The following MAMDC2 variants were observed in gnomAD, a reference collection of about 807,000 sequenced individuals.
MAMDC2 encodes MAM domain containing 2, also known as MAM domain-containing protein 2.
A neutral mutation model predicts 89.8 loss-of-function variants in MAMDC2; 57 were observed. The observed-to-expected ratio is 0.63, with a 90% CI of 0.51 to 0.79. The LOEUF (loss-of-function observed/expected upper bound fraction) is 0.79. Ranked by LOEUF, MAMDC2 falls within the 30% of genes least tolerant of loss-of-function variation. The probability of loss-of-function intolerance (pLI) is 0.00; values close to 1 mark genes in which losing one functional copy is unlikely to be tolerated. For missense variants in MAMDC2, 800 were observed against 820.6 expected, an observed-to-expected ratio of 0.97 and a Z score of 0.31; for synonymous variants, 313 against 293.4, an observed-to-expected ratio of 1.07 and a Z score of -0.68.
At chr9:70,133,502 G>C (rs774825410) in intron 7 of MAMDC2, among the ~76,000 whole-genome samples, 47 of 152,272 alleles carry the variant, frequency 3.1e-4, no homozygotes, top group Non-Finnish European at 4.9e-4. Flanking sequence ...TATACAGTTC[G>C]GTTAACCAAG....
intron 2 of MAMDC2, among the ~76,000 whole-genome samples, chr9:70,055,844 C>A (rs1385721339): frequency 6.6e-6 from 1 of 152,110 alleles, no homozygotes; most frequent in African/African-American, 2.4e-5. Context: ...AGGAGTATTC[C>A]TAAACTTCAA....
intron 11 of MAMDC2, among the ~76,000 whole-genome samples, chr9:70,196,591 T>A (rs1324526135): frequency 6.6e-6 from 1 of 152,068 alleles, no homozygotes; most frequent in Admixed American, 6.6e-5. Flanking sequence ...ACATAAAAAA[T>A]ACTGAAGAGG....
chr9:70,089,537 A>G (rs1827842129), intron 2 of MAMDC2, among the ~76,000 whole-genome samples: 1 of 152,250 alleles, frequency 6.6e-6, no homozygotes, highest in East Asian at 1.9e-4. Context: ...AATTATAAAT[A>G]GGCTCTTCCT....
chr9:70,159,732 T>C (rs1036370843), intron 9 of MAMDC2, among the ~76,000 whole-genome samples: 1 of 152,252 alleles, frequency 6.6e-6, no homozygotes, highest in Admixed American at 6.5e-5. Context: ...ACTCCAATTA[T>C]AATGCCTGTC....
At chr9:70,142,806 A>T (rs1034899121) in intron 8 of MAMDC2, among the ~76,000 whole-genome samples, 1 of 152,206 alleles carries the variant, frequency 6.6e-6, no homozygotes, top group African/African-American at 2.4e-5. Flanking sequence ...GAAAACTGAC[A>T]GGAGGAGGAG....
At chr9:70,218,648 G>A in intron 12 of MAMDC2, 52 bp downstream of exon 12, 1 of 1,513,076 alleles carries the variant, frequency 6.6e-7, no homozygotes, top group Non-Finnish European at 8.8e-7. Context: ...AGGAGCTTCT[G>A]ATGTTCTTTC....
intron 9 of MAMDC2, among the ~76,000 whole-genome samples, chr9:70,149,145 A>T (rs1587515316): frequency 7.1e-6 from 1 of 140,360 alleles, no homozygotes; most frequent in African/African-American, 2.6e-5. Flanking sequence ...CAGGAGGTGG[A>T]TGGAGGTTTC....
At chr9:70,134,770 C>T (rs541953318) in intron 7 of MAMDC2, among the ~76,000 whole-genome samples, 7 of 152,196 alleles carry the variant, frequency 4.6e-5, no homozygotes, top group Non-Finnish European at 1.0e-4. Flanking sequence ...ACAGCCTAGT[C>T]GGTGACTCTG....
chr9:70,058,805 CAGGG>C (rs1362727139), intron 2 of MAMDC2, among the ~76,000 whole-genome samples: 1 of 152,200 alleles, frequency 6.6e-6, no homozygotes, highest in African/African-American at 2.4e-5. Flanking sequence ...CTCCCATACA[CAGGG>C]AGAATTGAAT....
chr9:70,073,656 T>C (rs1199523456), intron 2 of MAMDC2, among the ~76,000 whole-genome samples: 1 of 152,292 alleles, frequency 6.6e-6, no homozygotes, highest in Middle Eastern at 3.4e-3. Flanking sequence ...ATATACAGGA[T>C]CCTAGCAATT....
In MAMDC2 at chr9:70,218,496, A is replaced by G. The variant is rs569139580; in HGVS notation, c.1811A>G (p.Glu604Gly). Residue 604 changes from glutamate (E) to glycine (G), a missense_variant, in exon 12 of 14, where the codon GAA becomes GGA. By Grantham distance (98) the Glu-to-Gly change is moderately conservative. Coordinates refer to ENST00000377182, the MANE Select transcript of MAMDC2 (RefSeq NM_153267.5). ...TGLLSVYLKK[E>G]EDSEESLLWR... ...CTGCTGAGTGTTTATCTGAAAAAGG[A>G]AGAAGACAGTGAAGAGTCCCTCTTA... The G allele has an allele frequency of 6.2e-7, 1 of 1,614,208 alleles. No individual in the cohort carries two copies. Among genetic ancestry groups the G allele is most frequent in the African/African-American group, 1.3e-5 (1 of 75,060 alleles).
intron 5 of MAMDC2, among the ~76,000 whole-genome samples, chr9:70,117,228 A>G (rs537544418): frequency 1.3e-5 from 2 of 152,326 alleles, no homozygotes; most frequent in East Asian, 3.9e-4. Flanking sequence ...TACCCTGGTG[A>G]CATAAAAAAA....
At chr9:70,077,881 G>A (rs1220693588) in intron 2 of MAMDC2, among the ~76,000 whole-genome samples, 1 of 151,836 alleles carries the variant, frequency 6.6e-6, no homozygotes, top group Admixed American at 6.6e-5. Context: ...TAGTATGAAA[G>A]CCCAGCCCAA....
intron 11 of MAMDC2, among the ~76,000 whole-genome samples, chr9:70,196,786 G>A (rs1042896823): frequency 6.6e-6 from 1 of 152,030 alleles, no homozygotes; most frequent in Non-Finnish European, 1.5e-5. Context: ...GGTACCATGT[G>A]GCAATGCTTC....
At chr9:70,188,376 C>A (rs2032804612) in intron 11 of MAMDC2, among the ~76,000 whole-genome samples, 1 of 151,672 alleles carries the variant, frequency 6.6e-6, no homozygotes, top group South Asian at 2.1e-4. Flanking sequence ...GTATGTATTA[C>A]ATCTTCTTTT....
At chr9:70,202,729 C>A (rs1415562212) in intron 11 of MAMDC2, among the ~76,000 whole-genome samples, 1 of 149,262 alleles carries the variant, frequency 6.7e-6, no homozygotes, top group Non-Finnish European at 1.5e-5. Context: ...CTTTATGAAT[C>A]TGGGTTTTCC....
chr9:70,133,744 G>C (rs1210948186), intron 7 of MAMDC2, among the ~76,000 whole-genome samples: 1 of 152,192 alleles, frequency 6.6e-6, no homozygotes, highest in East Asian at 1.9e-4. Flanking sequence ...AAGTTAATGA[G>C]TTAATGTCTG....
chr9:70,144,596 G>C (rs2031337167), intron 9 of MAMDC2, among the ~76,000 whole-genome samples: 1 of 152,174 alleles, frequency 6.6e-6, no homozygotes, highest in Non-Finnish European at 1.5e-5. Context: ...TGTCGTGTAA[G>C]AAAGGGTCCC....
chr9:70,203,257 A>C (rs2033144888), intron 11 of MAMDC2, among the ~76,000 whole-genome samples: 1 of 152,238 alleles, frequency 6.6e-6, no homozygotes, highest in East Asian at 1.9e-4. Flanking sequence ...CCTGATGGTG[A>C]CAAAATCGGT....
Sources: allele counts gnomAD v4.1 joint callset (sites outside exome capture counted in the v4.1 genomes callset), GRCh38; gene constraint gnomAD v4.1.1; transcripts MANE v1.5; gene names NCBI Gene and HGNC (gene_info 2026-07-23, HGNC 2026-07-21).